Variants in IGSF21 observed in about 807,000 individuals in gnomAD.
The protein encoded by IGSF21 is immunoglobin superfamily member 21.
In IGSF21, 28 loss-of-function variants were observed where a neutral mutation model predicts 46.8. That is an observed-to-expected ratio of 0.60 (90% CI 0.44 to 0.82). IGSF21 has a LOEUF of 0.82. Ranked by LOEUF, IGSF21 falls within the 40% of genes least tolerant of loss-of-function variation. The probability of loss-of-function intolerance (pLI) is 0.00; values close to 1 mark genes in which losing one functional copy is unlikely to be tolerated. For synonymous variants in IGSF21, 284 were observed against 273.6 expected (o/e 1.04, Z -0.38); for missense variants, 624 against 665.5 (o/e 0.94, Z 0.69).
intron 3 of IGSF21, among the ~76,000 whole-genome samples, chr1:18,308,154 G>A (rs4920472): frequency 0.16 from 24,169 of 151,924 alleles, 2,089 homozygotes; most frequent in African/African-American, 0.21. Context: ...CCTCATCACC[G>A]CCAAACGCTC....
intron 2 of IGSF21, among the ~76,000 whole-genome samples, chr1:18,278,390 C>G (rs1218384909): frequency 6.6e-6 from 1 of 151,886 alleles, no homozygotes; most frequent in Non-Finnish European, 1.5e-5. Context: ...CAGGCGCCCC[C>G]CCAACACACC....
In IGSF21 at chr1:18,322,829, A is replaced by G. The variant is rs2085617083; in HGVS notation, c.306-12063A>G. Among the ~76,000 whole-genome samples, 1 of 152,220 alleles carries G rather than the reference A, an allele frequency of 6.6e-6. No homozygotes were observed. The highest frequency in any genetic ancestry group is 2.1e-4 in the South Asian group (1 of 4,830). Reference sequence around the variant, plus strand: ...CCATGGCAGCAGCCAGAGTCTGGAAAAGAGGCCTGGAGAGGAAGCCGGTGG... The same window carrying G: ...CCATGGCAGCAGCCAGAGTCTGGAAGAGAGGCCTGGAGAGGAAGCCGGTGG... On this transcript the variant is annotated intron_variant, in intron 3 of 9. Coordinates refer to ENST00000251296, the MANE Select transcript of IGSF21 (RefSeq NM_032880.5). This position sits in a 1 kb window ranked among gnomAD's most constrained non-coding sequence, Gnocchi z 4.3.
intron 2 of IGSF21, among the ~76,000 whole-genome samples, chr1:18,260,290 G>A (rs570278240): frequency 6.6e-6 from 1 of 152,376 alleles, no homozygotes; most frequent in African/African-American, 2.4e-5. Flanking sequence ...CAAGAAGCAA[G>A]AGGCCCAGAA....
chr1:18,251,121 T>C (rs1342969598), intron 2 of IGSF21, among the ~76,000 whole-genome samples: 1 of 152,098 alleles, frequency 6.6e-6, no homozygotes, highest in Non-Finnish European at 1.5e-5. Context: ...ACTGTGTTCT[T>C]GGAAAATAGG....
chr1:18,346,164 A>G (rs1158267879), intron 4 of IGSF21, among the ~76,000 whole-genome samples: 2 of 152,098 alleles, frequency 1.3e-5, no homozygotes, highest in African/African-American at 4.8e-5. Context: ...AGAAGTGACA[A>G]TGGCCCTGTG....
At chr1:18,268,474 C>G (rs1291309041) in intron 2 of IGSF21, among the ~76,000 whole-genome samples, 1 of 152,176 alleles carries the variant, frequency 6.6e-6, no homozygotes, top group African/African-American at 2.4e-5. Flanking sequence ...GTCAGGGACT[C>G]CTGGGTCCCA....
intron 2 of IGSF21, among the ~76,000 whole-genome samples, chr1:18,270,118 T>C (rs2085028748): frequency 6.6e-6 from 1 of 152,192 alleles, no homozygotes; most frequent in Non-Finnish European, 1.5e-5. Flanking sequence ...CTACACTAGC[T>C]GTTTTGCTCC....
intron 1 of IGSF21, among the ~76,000 whole-genome samples, chr1:18,176,748 A>C (rs2086802912): frequency 6.6e-6 from 1 of 152,200 alleles, no homozygotes; most frequent in African/African-American, 2.4e-5. Flanking sequence ...AATACAGAGC[A>C]ATTCCCCAAG....
chr1:18,125,587 C>CTAAAGGATTCATTCATT (rs2086268103), intron 1 of IGSF21, among the ~76,000 whole-genome samples: 1 of 152,216 alleles, frequency 6.6e-6, no homozygotes, highest in Admixed American at 6.5e-5. Context: ...TTTAGTGCAT[C>CTAAAGGATTCATTCATT]TATTGATTCA....
chr1:18,363,858 C>G (rs372984042), intron 5 of IGSF21, among the ~76,000 whole-genome samples: 10 of 148,974 alleles, frequency 6.7e-5, no homozygotes, highest in South Asian at 4.2e-4. Flanking sequence ...GGGTGGTGGG[C>G]AGGGGAACAG....
intron 2 of IGSF21, among the ~76,000 whole-genome samples, chr1:18,245,965 G>T (rs978807993): frequency 2.3e-4 from 35 of 152,208 alleles, no homozygotes; most frequent in African/African-American, 8.0e-4. Context: ...GGAAACCAAA[G>T]CTTGGGAATG....
At chr1:18,125,660 C>T (rs1281726314) in intron 1 of IGSF21, among the ~76,000 whole-genome samples, 1 of 152,206 alleles carries the variant, frequency 6.6e-6, no homozygotes, top group African/African-American at 2.4e-5. Context: ...GTGTGCTGGG[C>T]ACTGGCGATA....
chr1:18,330,113 T>G (rs78680682), intron 3 of IGSF21, among the ~76,000 whole-genome samples: 1,975 of 152,340 alleles, frequency 0.013, 44 homozygotes, highest in African/African-American at 0.045. Flanking sequence ...CCCTGCTATC[T>G]GTGGAAAGCC....
intron 1 of IGSF21, among the ~76,000 whole-genome samples, chr1:18,213,897 T>C (rs1198083745): frequency 1.3e-5 from 2 of 152,022 alleles, no homozygotes; most frequent in Non-Finnish European, 2.9e-5. Flanking sequence ...GCCCAACACT[T>C]CAAAGGCCTG....
chr1:18,342,509 C>A lies in IGSF21; in HGVS notation c.424+7499C>A, dbSNP rs556067935. On this transcript the variant is annotated intron_variant, in intron 4 of 9. Transcript: ENST00000251296. ...CATATTCACAGAGTTGTGCCTCTAC[C>A]ACCACAATCAATTTTAGAACATTTT... Among the ~76,000 whole-genome samples the A allele has an allele frequency of 9.2e-5, 14 of 152,238 alleles. No homozygotes were observed. The East Asian group carries it at 2.7e-3, about 29-fold the overall frequency.
At chr1:18,123,267 G>T (rs1285097828) in intron 1 of IGSF21, among the ~76,000 whole-genome samples, 1 of 152,182 alleles carries the variant, frequency 6.6e-6, no homozygotes, top group Non-Finnish European at 1.5e-5. Context: ...CCAGCTTCCT[G>T]CCTCTAGGAT....
At chr1:18,193,591 C>G (rs1368484202) in intron 1 of IGSF21, among the ~76,000 whole-genome samples, 2 of 152,080 alleles carry the variant, frequency 1.3e-5, no homozygotes, top group Admixed American at 6.6e-5. Context: ...CCAGTCTAAC[C>G]TTTTCATGTT....
chr1:18,300,005 A>G (rs562634794), intron 3 of IGSF21, among the ~76,000 whole-genome samples: 5 of 152,140 alleles, frequency 3.3e-5, no homozygotes, highest in Non-Finnish European at 7.3e-5. Flanking sequence ...TGGGAGGATC[A>G]CTTGAGCTCA....
chr1:18,145,080 C>CA (rs1439121495), intron 1 of IGSF21, among the ~76,000 whole-genome samples: 5 of 151,964 alleles, frequency 3.3e-5, no homozygotes, highest in Non-Finnish European at 7.4e-5. Flanking sequence ...TAGAAAGGCA[C>CA]AAAAAAGAAA....
Sources: gnomAD v4.1 joint callset for allele counts (sites outside exome capture counted in the v4.1 genomes callset) on GRCh38, gnomAD v4.1.1 for gene constraint, Gnocchi (gnomAD v3.1) non-coding constraint, MANE v1.5 for transcripts, NCBI Gene and HGNC (gene_info 2026-07-23, HGNC 2026-07-21) for gene names.